Variants in NCOA2 observed in about 807,000 individuals in gnomAD.
NCOA2 encodes nuclear receptor coactivator 2.
NCOA2 carries 21 observed loss-of-function variants against 145.1 expected under a neutral mutation model. The observed-to-expected ratio is 0.14, with a 90% CI of 0.10 to 0.21. The LOEUF (loss-of-function observed/expected upper bound fraction) is 0.21. Ranked by LOEUF, NCOA2 falls within the 10% of genes least tolerant of loss-of-function variation. NCOA2 has a pLI of 1.00. For missense variants in NCOA2, 1,472 were observed against 1,837.6 expected (o/e 0.80, Z 3.64); for synonymous variants, 619 against 637.5 (o/e 0.97, Z 0.44).
At position 70,156,215 on chromosome 8, in the gene NCOA2, T is replaced by C. The variant is rs1812273292; in HGVS notation, c.2150A>G (p.Gln717Arg). 1 of 1,613,910 alleles carries C rather than the reference T, an allele frequency of 6.2e-7. No homozygotes were observed. Among genetic ancestry groups the C allele is most frequent in the African/African-American group, 1.3e-5 (1 of 74,928 alleles). The change falls in exon 11 of 23, where the codon CAG (glutamine) becomes CGG (arginine). Residue 717 changes from glutamine (Q) to arginine (R), a missense_variant. Coordinates refer to ENST00000452400, the MANE Select transcript of NCOA2 (RefSeq NM_006540.4). Reference protein sequence around the residue: ...TAEATGKDLSQESSSTAPGSE... With the variant: ...TAEATGKDLSRESSSTAPGSE... ...TCCAGGAGCTGTGCTGCTGGACTCC[T>C]GGCTCAGGTCTTTGCCTGTGGCTTC... is the stretch of plus-strand genomic sequence containing the variant.
the NCOA2 span, among the ~76,000 whole-genome samples, chr8:70,438,868 A>T: frequency 9.8e-5 from 15 of 152,344 alleles, no homozygotes; most frequent in African/African-American, 3.6e-4. Context: ...AAATGTAGTC[A>T]TTGGGATGTT....
intron 2 of NCOA2, among the ~76,000 whole-genome samples, chr8:70,247,157 C>A (rs1307772883): frequency 6.6e-6 from 1 of 152,012 alleles, no homozygotes; most frequent in East Asian, 1.9e-4. Context: ...TGAAGGGAAC[C>A]ATGGCCACTC....
At chr8:70,218,199 G>GTTTTTTT (rs34322124) in intron 2 of NCOA2, among the ~76,000 whole-genome samples, 1 of 133,878 alleles carries the variant, frequency 7.5e-6, no homozygotes, top group African/African-American at 2.9e-5. Flanking sequence ...AGTGGAGTTA[G>GTTTTTTT]TTTTTTTTTT....
the NCOA2 span, among the ~76,000 whole-genome samples, chr8:70,411,902 G>A: frequency 6.6e-6 from 1 of 152,172 alleles, no homozygotes; most frequent in Admixed American, 6.5e-5. Flanking sequence ...CCGAGTGGAG[G>A]TTACATGGAC....
intron 4 of NCOA2, among the ~76,000 whole-genome samples, chr8:70,190,677 C>A (rs979105086): frequency 3.3e-5 from 5 of 152,108 alleles, no homozygotes; most frequent in Admixed American, 3.3e-4. Context: ...CATGGCAAAA[C>A]CCTGTCTCTA....
intron 1 of NCOA2, among the ~76,000 whole-genome samples, chr8:70,297,976 A>G (rs1345834593): frequency 6.6e-6 from 1 of 152,226 alleles, no homozygotes; most frequent in Non-Finnish European, 1.5e-5. Context: ...TGCTACTAGT[A>G]ACGATACTGA....
chr8:70,312,463 A>G (rs1805212449), intron 1 of NCOA2, among the ~76,000 whole-genome samples: 1 of 152,210 alleles, frequency 6.6e-6, no homozygotes, highest in Non-Finnish European at 1.5e-5. Context: ...AATGCACATA[A>G]GGTCTTTAGT....
chr8:70,427,037 A>G, the NCOA2 span, among the ~76,000 whole-genome samples: 1 of 152,188 alleles, frequency 6.6e-6, no homozygotes, highest in African/African-American at 2.4e-5. Context: ...CTCCAACCTC[A>G]GCCTCCTGAA....
At chr8:70,184,056 A>T (rs1815775808) in intron 4 of NCOA2, among the ~76,000 whole-genome samples, 1 of 152,192 alleles carries the variant, frequency 6.6e-6, no homozygotes, top group Admixed American at 6.6e-5. Flanking sequence ...GGTTCATTTT[A>T]AGACTCTGAT....
At chr8:70,170,116 A>G (rs1194680438) in intron 6 of NCOA2, 86 bp downstream of exon 6, 1 of 1,261,280 alleles carries the variant, frequency 7.9e-7, no homozygotes, top group African/African-American at 1.5e-5. Context: ...GTTTTATTTG[A>G]TCCACTTCAA....
chr8:70,367,147 GA>G (rs1441103004), intron 1 of NCOA2, among the ~76,000 whole-genome samples: 1 of 152,102 alleles, frequency 6.6e-6, no homozygotes, highest in Non-Finnish European at 1.5e-5. Flanking sequence ...TATTGTTTTA[GA>G]AATAAACACA....
intron 1 of NCOA2, among the ~76,000 whole-genome samples, chr8:70,367,191 A>G (rs1810781664): frequency 6.6e-6 from 1 of 152,238 alleles, no homozygotes; most frequent in African/African-American, 2.4e-5. Context: ...CCTTTCAACC[A>G]TAGCTATCTC....
intron 1 of NCOA2, among the ~76,000 whole-genome samples, chr8:70,395,618 A>T (rs568263067): frequency 6.6e-6 from 1 of 152,362 alleles, no homozygotes; most frequent in East Asian, 1.9e-4. Context: ...ATTTTAAGAT[A>T]AGTTAATATT....
upstream of NCOA2, among the ~76,000 whole-genome samples, chr8:70,408,465 T>A (rs142601226): frequency 8.5e-4 from 129 of 152,256 alleles, no homozygotes; most frequent in African/African-American, 3.0e-3. Context: ...ATCTCTACAT[T>A]GAGAAAAAAA....
chr8:70,305,231 T>C (rs1015668707), intron 1 of NCOA2, among the ~76,000 whole-genome samples: 5 of 151,796 alleles, frequency 3.3e-5, no homozygotes, highest in Non-Finnish European at 7.4e-5. Context: ...CGGCAGTCTT[T>C]AACTTCCAAC....
chr8:70,314,887 T>C (rs966652759), intron 1 of NCOA2, among the ~76,000 whole-genome samples: 9 of 151,428 alleles, frequency 5.9e-5, no homozygotes, highest in African/African-American at 1.9e-4. Context: ...ATTGAACTTA[T>C]TCATTTTATC....
intron 4 of NCOA2, among the ~76,000 whole-genome samples, chr8:70,206,916 C>T (rs1169383187): frequency 3.9e-5 from 6 of 152,180 alleles, no homozygotes; most frequent in African/African-American, 9.7e-5. Context: ...TATTGTCCTC[C>T]TCGAAGCCTG....
chr8:70,280,251 A>G (rs963351772), intron 2 of NCOA2, among the ~76,000 whole-genome samples: 1 of 152,232 alleles, frequency 6.6e-6, no homozygotes, highest in African/African-American at 2.4e-5. Flanking sequence ...CAATGAAGGT[A>G]GGCTGCCAGA....
chr8:70,204,983 G>A (rs368572727), intron 4 of NCOA2, among the ~76,000 whole-genome samples: 9 of 152,264 alleles, frequency 5.9e-5, no homozygotes, highest in African/African-American at 1.4e-4. Flanking sequence ...ACTCTGGCCC[G>A]GAAGACAGAG....
Sources: gnomAD v4.1 joint callset for allele counts (sites outside exome capture counted in the v4.1 genomes callset) on GRCh38, gnomAD v4.1.1 for gene constraint, MANE v1.5 for transcripts, NCBI Gene and HGNC (gene_info 2026-07-23, HGNC 2026-07-21) for gene names.